The following VAV1 variants were observed in gnomAD, a reference collection of about 807,000 sequenced individuals.
VAV1 encodes vav guanine nucleotide exchange factor 1, also known as proto-oncogene vav.
VAV1 carries 33 observed loss-of-function variants against 128.1 expected under a neutral mutation model. The observed-to-expected ratio is 0.26, with a 90% confidence interval of 0.20 to 0.34. The LOEUF (loss-of-function observed/expected upper bound fraction) is 0.34. Ranked by LOEUF, VAV1 falls within the 10% of genes least tolerant of loss-of-function variation. The probability of loss-of-function intolerance (pLI) is 1.00; values close to 1 mark genes in which losing one functional copy is unlikely to be tolerated. For missense variants in VAV1, 715 were observed against 1,093.7 expected (o/e 0.65, Z 4.88); for synonymous variants, 394 against 409.8 (o/e 0.96, Z 0.47).
chr19:6,842,400 C>T (rs752707524), intron 21 of VAV1, among the ~76,000 whole-genome samples: 4 of 152,174 alleles, frequency 2.6e-5, no homozygotes, highest in African/African-American at 4.8e-5. Context: ...CTCTTCAGCT[C>T]CGCCCCTGTA....
At chr19:6,832,813 C>T (rs768574214) in intron 15 of VAV1, among the ~76,000 whole-genome samples, 2 of 152,048 alleles carry the variant, frequency 1.3e-5, no homozygotes, top group African/African-American at 2.4e-5. Flanking sequence ...ATTCCAACAA[C>T]AAAAATCTAA....
intron 1 of VAV1, among the ~76,000 whole-genome samples, chr19:6,794,324 G>A (rs1291953238): frequency 6.6e-6 from 1 of 152,146 alleles, no homozygotes; most frequent in Non-Finnish European, 1.5e-5. Flanking sequence ...AAACATTGGG[G>A]AGAGGAGAAT....
intron 22 of VAV1, among the ~76,000 whole-genome samples, chr19:6,844,086 T>C (rs965763793): frequency 1.7e-5 from 2 of 117,156 alleles, no homozygotes; most frequent in African/African-American, 7.5e-5. Context: ...TTTTTTTTTT[T>C]TTTTTTTTTT....
chr19:6,845,107 G>C (rs1274753961), intron 22 of VAV1, among the ~76,000 whole-genome samples: 1 of 152,130 alleles, frequency 6.6e-6, no homozygotes, highest in Non-Finnish European at 1.5e-5. Flanking sequence ...TCGGCTGGGC[G>C]CAGTGGCTCA....
At chr19:6,818,266 A>T (rs1971704055) in intron 1 of VAV1, among the ~76,000 whole-genome samples, 1 of 152,188 alleles carries the variant, frequency 6.6e-6, no homozygotes, top group South Asian at 2.1e-4. Context: ...AGGAAAGACA[A>T]AGACGTTGGC....
intron 1 of VAV1, among the ~76,000 whole-genome samples, chr19:6,812,433 T>C (rs1971534234): frequency 6.6e-6 from 1 of 152,128 alleles, no homozygotes; most frequent in South Asian, 2.1e-4. Context: ...GGCAGGCAGA[T>C]TACTTGAGGT....
chr19:6,820,607 C>A lies in VAV1; in HGVS notation c.205-95C>A. 1 of 889,536 alleles carries A rather than the reference C, an allele frequency of 1.1e-6. No individual in the cohort carries two copies. The highest frequency in any genetic ancestry group is 1.8e-6 in the Non-Finnish European group (1 of 542,018). 55.1% of individuals were successfully genotyped at this position (889,536 alleles called of 1,614,324 possible). ...GGAAGAGGGTCTGTGCTTTCATTTC[C>A]CCTCCACACCAGTCCCCAAGCTAGG... On this transcript the variant is annotated intron_variant, in intron 1 of 26. Coordinates refer to ENST00000602142, the MANE Select transcript of VAV1 (RefSeq NM_005428.4). The surrounding 1 kb of genome is among the most constrained non-coding windows in gnomAD (Gnocchi z 4.4).
chr19:6,793,620 AC>A (rs1318092081), intron 1 of VAV1, among the ~76,000 whole-genome samples: 1 of 152,102 alleles, frequency 6.6e-6, no homozygotes, highest in Admixed American at 6.6e-5. Flanking sequence ...AGGCAAAAAC[AC>A]CGTGCACATC....
At chr19:6,832,312 C>T (rs1469911850) in intron 15 of VAV1, 112 bp downstream of exon 15, 15 of 951,874 alleles carry the variant, frequency 1.6e-5, no homozygotes, top group Non-Finnish European at 2.2e-5. Flanking sequence ...CACTCTGAAC[C>T]ACAGTCTCTT....
intron 26 of VAV1, among the ~76,000 whole-genome samples, chr19:6,856,606 C>A (rs929983452): frequency 1.3e-5 from 2 of 151,460 alleles, no homozygotes; most frequent in Non-Finnish European, 2.9e-5. Context: ...CGCCTGTAAT[C>A]CCAGCTACTC....
chr19:6,853,160 C>T, intron 25 of VAV1, 81 bp downstream of exon 25: 5 of 1,265,228 alleles, frequency 4.0e-6, no homozygotes, highest in Non-Finnish European at 5.6e-6. Flanking sequence ...CATTGACACC[C>T]CTTCCAATGG....
At chr19:6,836,883 TGATGGG>T (rs1455093007) in intron 20 of VAV1, 96 bp from the exon 21 acceptor site, 2 of 979,282 alleles carry the variant, frequency 2.0e-6, no homozygotes, top group East Asian at 5.0e-5. Context: ...CACACACGAG[TGATGGG>T]GCAGGATCCA....
intron 1 of VAV1, among the ~76,000 whole-genome samples, chr19:6,802,124 G>T (rs1357340969): frequency 6.6e-6 from 1 of 152,156 alleles, no homozygotes; most frequent in African/African-American, 2.4e-5. Context: ...CTCACTTATA[G>T]GTGGGAATTG....
chr19:6,827,852 G>A (rs530786942), intron 9 of VAV1, among the ~76,000 whole-genome samples: 4 of 151,224 alleles, frequency 2.6e-5, no homozygotes, highest in Admixed American at 2.0e-4. Flanking sequence ...CTCCCGCCTC[G>A]GCCTCCCAAA....
intron 18 of VAV1, 46 bp from the exon 19 acceptor site, chr19:6,833,862 C>T: frequency 2.5e-6 from 4 of 1,614,052 alleles, no homozygotes; most frequent in Non-Finnish European, 3.4e-6. Flanking sequence ...CTACAAGCCC[C>T]CAGGCTGGGC....
chr19:6,824,979 T>C (rs1971881270), intron 6 of VAV1, 74 bp from the exon 7 acceptor site: 2 of 1,474,172 alleles, frequency 1.4e-6, no homozygotes, highest in African/African-American at 2.8e-5. Flanking sequence ...CTCTGTCTCC[T>C]TCCCCTGTCT....
At chr19:6,798,565 A>C (rs1366321530) in intron 1 of VAV1, among the ~76,000 whole-genome samples, 2 of 152,014 alleles carry the variant, frequency 1.3e-5, no homozygotes, top group Non-Finnish European at 2.9e-5. Flanking sequence ...AGATGGGAGG[A>C]TCATTTGAAC....
At chr19:6,835,222 C>T (rs1388819096) in intron 19 of VAV1, among the ~76,000 whole-genome samples, 12 of 149,434 alleles carry the variant, frequency 8.0e-5, no homozygotes, top group African/African-American at 2.7e-4. Context: ...CATACACACA[C>T]ACACACACAC....
chr19:6,832,186 G>C lies in VAV1; in HGVS notation c.1494G>C (p.Gln498His). 6.2e-7 allele frequency: 1 copy of C among 1,614,160 alleles called. No homozygotes were observed. Among genetic ancestry groups the C allele is most frequent in the Non-Finnish European group, 8.5e-7 (1 of 1,180,004 alleles). Residue 498 changes from glutamine to histidine, a missense_variant, in exon 15 of 27, where the codon CAG becomes CAC. Physicochemically the swap from Gln to His is conservative, Grantham distance 24. Transcript: ENST00000602142. ...TRELKKKWME[Q>H]FEMAISNIYP... ...AATTGAAGAAGAAGTGGATGGAGCAGTTTGAGATGGCCATGTGAGTCCCCG... is the reference window on the plus strand; with the variant it reads ...AATTGAAGAAGAAGTGGATGGAGCACTTTGAGATGGCCATGTGAGTCCCCG...
Sources: allele counts gnomAD v4.1 joint callset (sites outside exome capture counted in the v4.1 genomes callset), GRCh38; gene constraint gnomAD v4.1.1; non-coding constraint Gnocchi (gnomAD v3.1); transcripts MANE v1.5; gene names NCBI Gene and HGNC (gene_info 2026-07-23, HGNC 2026-07-21).